The following ZNF592 variants were observed in gnomAD, a reference collection of about 807,000 sequenced individuals.
The protein encoded by ZNF592 is zinc finger protein 592, also known as spinocerebellar ataxia, autosomal recessive 5.
In ZNF592, 11 loss-of-function variants were observed where a neutral mutation model predicts 80.3. The ratio of observed to expected loss-of-function variants is 0.14; its 90% CI spans 0.09 to 0.23. ZNF592 has a LOEUF of 0.23. Ranked by LOEUF, ZNF592 falls within the 10% of genes least tolerant of loss-of-function variation. The pLI is 1.00. For missense variants in ZNF592, 1,420 were observed against 1,633.9 expected (o/e 0.87, Z 2.26); for synonymous variants, 646 against 640.3 (o/e 1.01, Z -0.13).
chr15:84,778,272 G>A lies in ZNF592; in HGVS notation c.-60G>A, dbSNP rs1015266555. The A allele has an allele frequency of 3.8e-5, 11 of 286,186 alleles. No individual in the cohort carries two copies. The highest frequency in any genetic ancestry group is 2.3e-4 in the African/African-American group (10 of 44,006). The allele number at this position is 286,186 out of a possible 1,614,324, so 17.7% of individuals were successfully genotyped here. On this transcript the variant is annotated 5_prime_UTR_variant, in exon 3 of 11. Transcript: ENST00000560079. Reference sequence around the variant, plus strand: ...AGACAGAGGGAGGGGGGGCTCCAAAGCCGAAAGAGGAGGTCCCTACCTGCC... The same window carrying A: ...AGACAGAGGGAGGGGGGGCTCCAAAACCGAAAGAGGAGGTCCCTACCTGCC...
chr15:84,764,758 C>T lies in ZNF592; in HGVS notation c.-207C>T, dbSNP rs138483238. On this transcript the variant is annotated 5_prime_UTR_variant, in exon 2 of 11. Coordinates refer to ENST00000560079, the MANE Select transcript of ZNF592 (RefSeq NM_014630.3). ...CCTAGGTAGAAGTTTTTCCTTTCTC[C>T]GCAGCTCTGCTCCCCTAGCAACGCT... 5.3e-5 allele frequency: 21 copies of T among 398,908 alleles called. No individual in the cohort carries two copies. In the East Asian group the frequency reaches 5.3e-4, roughly 10 times the overall value. 24.7% of individuals were successfully genotyped at this position (398,908 alleles called of 1,614,324 possible). A position where few individuals can be genotyped will look rare whatever the true frequency, so the allele number is the denominator to read the frequency against.
chr15:84,782,820 G>A lies in ZNF592; in HGVS notation c.145G>A (p.Asp49Asn). ...SPLKPPGICM[D>N]ESVSLSHSGS... ...CCTCAAACCTCCAGGCATATGTATG[G>A]ATGAAAGTGTGTCCTTGTCTCACTC... The change falls in exon 4 of 11, where the codon GAT (aspartate) becomes AAT (asparagine). Residue 49 changes from aspartate to asparagine, a missense_variant. Transcript: ENST00000560079. 6.2e-7 allele frequency: 1 copy of A among 1,614,158 alleles called. No homozygotes were observed.
Position 84,783,776 on chromosome 15 carries a change from C to T in ZNF592, c.1101C>T (p.Ser367=). ...AAGGCTCACCGTCTGTGGCTGCCAGCTCCCCACCAGCAATTCCCAAAGTGA... is the reference window on the plus strand; with the variant it reads ...AAGGCTCACCGTCTGTGGCTGCCAGTTCCCCACCAGCAATTCCCAAAGTGA... ...SSKGSPSVAA[S]SPPAIPKVRI... is the part of the protein sequence containing the mutation. Residue 367 remains serine (S), a synonymous_variant, in exon 4 of 11, where the codon AGC becomes AGT. Coordinates refer to ENST00000560079, the MANE Select transcript of ZNF592 (RefSeq NM_014630.3). The surrounding 1 kb of genome is among the most constrained non-coding windows in gnomAD (Gnocchi z 5.0). 2 of 1,614,236 alleles carry T rather than the reference C, an allele frequency of 1.2e-6. No individual in the cohort carries two copies. The highest frequency in any genetic ancestry group is 1.3e-5 in the African/African-American group (1 of 75,054).
chr15:84,766,640 GGAAGA>G (rs1353924918), intron 2 of ZNF592, among the ~76,000 whole-genome samples: 1 of 151,470 alleles, frequency 6.6e-6, no homozygotes, highest in Non-Finnish European at 1.5e-5. Context: ...AGAGGACAGG[GGAAGA>G]GAAGAGAGGG....
In ZNF592 at chr15:84,798,592, C is replaced by G; in HGVS notation, c.2741C>G (p.Thr914Ser). 1 of 1,614,150 alleles carries G rather than the reference C, an allele frequency of 6.2e-7. No homozygotes were observed. The highest frequency in any genetic ancestry group is 2.2e-5 in the East Asian group (1 of 44,886). ...AATCGCTCTCCCCATCCCCAGAGCA[C>G]CCACGGTGTTCCCCGAAATGTGGAC... ...KPELMQHVKS[T>S]HGVPRNVDEL... is the part of the protein sequence containing the mutation. Residue 914 changes from threonine (T) to serine (S), a missense_variant, in exon 8 of 11, where the codon ACC becomes AGC. Coordinates refer to ENST00000560079, the MANE Select transcript of ZNF592 (RefSeq NM_014630.3). The surrounding 1 kb of genome is among the most constrained non-coding windows in gnomAD (Gnocchi z 4.5).
chr15:84,759,588 A>AT, intron 1 of ZNF592, among the ~76,000 whole-genome samples: 1 of 152,198 alleles, frequency 6.6e-6, no homozygotes, highest in Non-Finnish European at 1.5e-5. Flanking sequence ...CCTGTTTTAA[A>AT]TTATTTATAC....
intron 5 of ZNF592, among the ~76,000 whole-genome samples, chr15:84,791,965 G>T (rs955386335): frequency 5.3e-5 from 8 of 152,192 alleles, no homozygotes; most frequent in African/African-American, 1.7e-4. Context: ...CAGACATTTG[G>T]ACTTTATCCA....
intron 1 of ZNF592, among the ~76,000 whole-genome samples, chr15:84,750,251 T>G (rs892345829): frequency 6.6e-6 from 1 of 152,330 alleles, no homozygotes; most frequent in Middle Eastern, 3.4e-3. Flanking sequence ...TGCAGTGACC[T>G]GAGATCGTGC....
Position 84,784,800 on chromosome 15 carries a change from T to G in ZNF592, c.2125T>G (p.Tyr709Asp), listed in dbSNP as rs988618156. 3.1e-6 allele frequency: 5 copies of G among 1,614,090 alleles called. No homozygotes were observed. The highest frequency in any genetic ancestry group is 4.2e-6 in the Non-Finnish European group (5 of 1,180,016). ...CCCAGACCCTGTGAGGCTCATCCGG[T>G]ACTCAATCAAGTGTCTTGAATGTCA... ...LYPDPVRLIRYSIKCLECHKQ... is the reference protein window; with the variant it reads ...LYPDPVRLIRDSIKCLECHKQ... The change falls in exon 4 of 11, where the codon TAC becomes GAC. Residue 709 changes from tyrosine to aspartate, a missense_variant. Coordinates refer to ENST00000560079, the MANE Select transcript of ZNF592 (RefSeq NM_014630.3). This position sits in a 1 kb window ranked among gnomAD's most constrained non-coding sequence, Gnocchi z 5.8.
intron 1 of ZNF592, among the ~76,000 whole-genome samples, chr15:84,763,141 G>A (rs527527778): frequency 6.6e-6 from 1 of 152,336 alleles, no homozygotes; most frequent in South Asian, 2.1e-4. Flanking sequence ...GGGGCAGCTT[G>A]GTCCTTGGGG....
In ZNF592 at chr15:84,799,295, G is replaced by GCC; in HGVS notation, c.3137+85_3137+86insCC. On this transcript the variant is annotated intron_variant, in intron 9 of 10. Transcript: ENST00000560079. The surrounding 1 kb of genome is among the most constrained non-coding windows in gnomAD (Gnocchi z 4.2). ...CCACTGGGGCTTTTCTGTGCTGCAA[G>GCC]ATCAGGTGTCTAAGACAAGAGACAA... 1 of 1,331,156 alleles carries GCC rather than the reference G, an allele frequency of 7.5e-7. No individual in the cohort carries two copies. Among genetic ancestry groups the GCC allele is most frequent in the South Asian group, 1.2e-5 (1 of 85,206 alleles). 82.5% of individuals were successfully genotyped at this position (1,331,156 alleles called of 1,614,324 possible).
rs1963134050 is a variant in ZNF592 at position 84,802,593 on chromosome 15, C to T, written c.*200C>T. On this transcript the variant is annotated 3_prime_UTR_variant, in exon 11 of 11. Coordinates refer to ENST00000560079, the MANE Select transcript of ZNF592 (RefSeq NM_014630.3). The stretch of plus-strand genomic sequence containing the variant: ...GGGGTCGGCCAGGACCCTCACAGCT[C>T]TGAATTTGCTTCTGTTATTTATGGC... 2 of 630,740 alleles carry T rather than the reference C, an allele frequency of 3.2e-6. No homozygotes were observed. The highest frequency in any genetic ancestry group is 5.7e-5 in the Admixed American group (2 of 35,206). 39.1% of individuals were successfully genotyped at this position (630,740 alleles called of 1,614,324 possible). A position where few individuals can be genotyped will look rare whatever the true frequency, so the allele number is the denominator to read the frequency against.
Position 84,784,371 on chromosome 15 carries a change from C to T in ZNF592, c.1696C>T (p.Pro566Ser). 6.2e-7 allele frequency: 1 copy of T among 1,614,222 alleles called. No homozygotes were observed. Reference sequence around the variant, plus strand: ...GGTCCTTCACAGCTCCAACCCCGTGCCCCTCTATGCGCCAAATCTCAGCCC... The same window carrying T: ...GGTCCTTCACAGCTCCAACCCCGTGTCCCTCTATGCGCCAAATCTCAGCCC... ...NKVLHSSNPVPLYAPNLSPPA... is the reference protein window; with the variant it reads ...NKVLHSSNPVSLYAPNLSPPA... Residue 566 changes from proline (P) to serine (S), a missense_variant, in exon 4 of 11, where the codon CCC (proline) becomes TCC (serine). By Grantham distance (74) the Pro-to-Ser change is moderately conservative. Coordinates refer to ENST00000560079, the MANE Select transcript of ZNF592 (RefSeq NM_014630.3). The surrounding 1 kb of genome is among the most constrained non-coding windows in gnomAD (Gnocchi z 5.8).
chr15:84,795,665 G>T (rs1962874623), intron 5 of ZNF592, among the ~76,000 whole-genome samples: 1 of 152,194 alleles, frequency 6.6e-6, no homozygotes, highest in African/African-American at 2.4e-5. Context: ...ATACTTTGTA[G>T]TGTGGAAATA....
intron 1 of ZNF592, among the ~76,000 whole-genome samples, chr15:84,764,322 A>G (rs1241287076): frequency 6.6e-6 from 1 of 152,224 alleles, no homozygotes; most frequent in Admixed American, 6.5e-5. Flanking sequence ...TTGCTATGTG[A>G]AAGACAGTGT....
chr15:84,786,841 C>CTTTTTTTTTTTT (rs35391255), intron 4 of ZNF592, among the ~76,000 whole-genome samples: 1 of 70,818 alleles, frequency 1.4e-5, no homozygotes, highest in Non-Finnish European at 2.5e-5. Flanking sequence ...CCTTACGTAT[C>CTTTTTTTTTTTT]TTTTTTTTTT....
chr15:84,806,247 C>T lies in ZNF592; in HGVS notation c.*3854C>T, dbSNP rs1318098866. The T allele has an allele frequency of 1.3e-5, 2 of 152,192 alleles. No individual in the cohort carries two copies. The highest frequency in any genetic ancestry group is 4.8e-5 in the African/African-American group (2 of 41,450). The allele number at this position is 152,192 out of a possible 1,614,324, so 9.4% of individuals were successfully genotyped here. On this transcript the variant is annotated 3_prime_UTR_variant, in exon 11 of 11. Coordinates refer to ENST00000560079, the MANE Select transcript of ZNF592 (RefSeq NM_014630.3). Reference sequence around the variant, plus strand: ...GGGTTCAGGATACTGTTCACCTTCTCCAACAGATGCCACCGGAGCCTTAGG... The same window carrying T: ...GGGTTCAGGATACTGTTCACCTTCTTCAACAGATGCCACCGGAGCCTTAGG...
At position 84,805,265 on chromosome 15, in the gene ZNF592, A is replaced by C. The variant is rs1963209005; in HGVS notation, c.*2872A>C. The C allele has an allele frequency of 6.6e-6, 1 of 152,220 alleles. No homozygotes were observed. 9.4% of individuals were successfully genotyped at this position (152,220 alleles called of 1,614,324 possible). A position where few individuals can be genotyped will look rare whatever the true frequency, so the allele number is the denominator to read the frequency against. On this transcript the variant is annotated 3_prime_UTR_variant, in exon 11 of 11. Coordinates refer to ENST00000560079, the MANE Select transcript of ZNF592 (RefSeq NM_014630.3). ...TCATTTTTTGAGGACTGTCTAGAAA[A>C]GGTTGCCTAACCCTCACAGGGAACA... is the stretch of plus-strand genomic sequence containing the variant.
At chr15:84,786,913 C>G (rs561651591) in intron 4 of ZNF592, among the ~76,000 whole-genome samples, 1 of 132,770 alleles carries the variant, frequency 7.5e-6, no homozygotes, top group Non-Finnish European at 1.5e-5. Context: ...TGCAGTGGTG[C>G]GATCTCGGCC....
Sources: gnomAD v4.1 joint callset for allele counts (sites outside exome capture counted in the v4.1 genomes callset) on GRCh38, gnomAD v4.1.1 for gene constraint, Gnocchi (gnomAD v3.1) non-coding constraint, MANE v1.5 for transcripts, NCBI Gene and HGNC (gene_info 2026-07-23, HGNC 2026-07-21) for gene names.